DGKB: variants seen among roughly 807,000 people sequenced by gnomAD.
DGKB encodes 90 kDa diacylglycerol kinase.
A neutral mutation model predicts 114.3 loss-of-function variants in DGKB; 67 were observed. The ratio of observed to expected loss-of-function variants is 0.59; its 90% confidence interval spans 0.48 to 0.72. The LOEUF (loss-of-function observed/expected upper bound fraction) is 0.72, where lower values mean the gene tolerates loss of function less well. Ranked by LOEUF, DGKB falls within the 30% of genes least tolerant of loss-of-function variation. DGKB has a pLI of 0.00. For synonymous variants in DGKB, 398 were observed against 323.1 expected, an observed-to-expected ratio of 1.23 and a Z score of -2.49; for missense variants, 907 against 975.2, an observed-to-expected ratio of 0.93 and a Z score of 0.93.
At chr7:14,469,826 G>C (rs1421744304) in intron 21 of DGKB, among the ~76,000 whole-genome samples, 2 of 151,834 alleles carry the variant, frequency 1.3e-5, no homozygotes, top group African/African-American at 2.4e-5. Flanking sequence ...ACATATAATT[G>C]TAAGAGATTT....
At chr7:14,679,214 C>A (rs1167552081) in intron 12 of DGKB, among the ~76,000 whole-genome samples, 1 of 150,756 alleles carries the variant, frequency 6.6e-6, no homozygotes, top group Non-Finnish European at 1.5e-5. Context: ...TATGTGCACC[C>A]AAATGTATTT....
intron 14 of DGKB, among the ~76,000 whole-genome samples, chr7:14,627,938 G>A (rs1366212160): frequency 9.1e-6 from 1 of 109,360 alleles, no homozygotes; most frequent in East Asian, 2.2e-4. Context: ...GTGAGACCTT[G>A]TCTCAAAAAA....
chr7:14,619,811 T>C (rs1585148641), intron 15 of DGKB, among the ~76,000 whole-genome samples: 1 of 151,664 alleles, frequency 6.6e-6, no homozygotes, highest in African/African-American at 2.4e-5. Flanking sequence ...CATATGTTTA[T>C]TGAGAGAATT....
intron 21 of DGKB, among the ~76,000 whole-genome samples, chr7:14,458,408 A>T (rs1424967049): frequency 6.6e-6 from 1 of 152,214 alleles, no homozygotes; most frequent in Non-Finnish European, 1.5e-5. Context: ...GGTGGCTGGC[A>T]AGATGGCTGA....
chr7:14,811,276 T>C (rs190557591), intron 2 of DGKB, among the ~76,000 whole-genome samples: 5 of 152,270 alleles, frequency 3.3e-5, no homozygotes, highest in South Asian at 4.1e-4. Flanking sequence ...GGTGTGATTA[T>C]AGCTCACTGC....
chr7:14,253,985 A>T, intron 23 of DGKB, among the ~76,000 whole-genome samples: 1 of 152,180 alleles, frequency 6.6e-6, no homozygotes, highest in East Asian at 1.9e-4. Flanking sequence ...ACTAATAAAC[A>T]TTTCCCTGAC....
chr7:14,860,355 G>A (rs1352920684), intron 1 of DGKB, among the ~76,000 whole-genome samples: 1 of 151,820 alleles, frequency 6.6e-6, no homozygotes, highest in African/African-American at 2.4e-5. Context: ...GTGTTTCTTA[G>A]ATCAAATTTG....
chr7:14,964,991 T>A (rs910301237), intron 1 of DGKB, among the ~76,000 whole-genome samples: 1 of 151,966 alleles, frequency 6.6e-6, no homozygotes, highest in African/African-American at 2.4e-5. Flanking sequence ...TAGATCTGAG[T>A]AGTGAAAAAA....
In DGKB at chr7:14,939,507, G is replaced by C. The variant is rs1458187312; in HGVS notation, c.-188+35189C>G. ...TGGAAATTGAGCACTCTGACAGGTA[G>C]AATAGAGGTTCAGAGAAGTTGAAAG... On this transcript the variant is annotated intron_variant, in intron 1 of 4. Coordinates refer to the DGKB transcript ENST00000437998. 2.0e-5 allele frequency among the ~76,000 whole-genome samples: 3 copies of C among 151,112 alleles called. No homozygotes were observed. In the East Asian group the frequency reaches 5.9e-4, roughly 30 times the overall value.
At chr7:14,217,545 T>C (rs113124071) in intron 23 of DGKB, among the ~76,000 whole-genome samples, 3 of 151,840 alleles carry the variant, frequency 2.0e-5, no homozygotes, top group African/African-American at 7.3e-5. Flanking sequence ...TTGAAATGAG[T>C]AATTATACCA....
chr7:14,771,597 C>T (rs1020027626), intron 2 of DGKB, among the ~76,000 whole-genome samples: 1 of 152,058 alleles, frequency 6.6e-6, no homozygotes, highest in African/African-American at 2.4e-5. Flanking sequence ...CCTTACAAAT[C>T]ATAAATTCTC....
At chr7:14,654,195 A>G (rs1815283185) in intron 13 of DGKB, among the ~76,000 whole-genome samples, 1 of 152,112 alleles carries the variant, frequency 6.6e-6, no homozygotes, top group Non-Finnish European at 1.5e-5. Flanking sequence ...GTTGCAGGAT[A>G]TAAAAATTAA....
At chr7:14,207,539 A>T (rs189895107) in intron 23 of DGKB, among the ~76,000 whole-genome samples, 1 of 152,130 alleles carries the variant, frequency 6.6e-6, no homozygotes, top group Admixed American at 6.6e-5. Context: ...TGGGAATGCC[A>T]GGCAATGTAC....
At chr7:14,962,350 T>C (rs1271525577) in intron 1 of DGKB, among the ~76,000 whole-genome samples, 2 of 152,174 alleles carry the variant, frequency 1.3e-5, no homozygotes, top group African/African-American at 4.8e-5. Flanking sequence ...TTTCCTACTG[T>C]AGTGATTAAA....
At chr7:14,544,376 G>A (rs1276417766) in intron 20 of DGKB, among the ~76,000 whole-genome samples, 1 of 152,150 alleles carries the variant, frequency 6.6e-6, no homozygotes, top group African/African-American at 2.4e-5. Context: ...TAGCCTTGAA[G>A]ATGTTTTAAT....
chr7:14,674,295 C>A (rs920172898), intron 12 of DGKB, among the ~76,000 whole-genome samples: 2 of 152,126 alleles, frequency 1.3e-5, no homozygotes, highest in African/African-American at 4.8e-5. Flanking sequence ...TTAGGCACTA[C>A]TGGTCTTTGT....
chr7:14,547,340 A>G (rs1466757171), intron 20 of DGKB, among the ~76,000 whole-genome samples: 2 of 152,200 alleles, frequency 1.3e-5, no homozygotes, highest in African/African-American at 4.8e-5. Flanking sequence ...GGATATAGTT[A>G]CTTCTGTCTT....
intron 13 of DGKB, among the ~76,000 whole-genome samples, chr7:14,658,274 A>G (rs947425745): frequency 2.6e-5 from 4 of 151,966 alleles, no homozygotes; most frequent in Non-Finnish European, 4.4e-5. Flanking sequence ...AGCAACATAG[A>G]TGGAACTGGA....
Position 14,347,133 on chromosome 7 carries a change from TGGAG to T in DGKB, c.1836-1746_1836-1743del, listed in dbSNP as rs372013828. ...TTTGTTAAGGGAGGCAGGAAGGTAA[TGGAG>T]GGAGTATGCCTGGACATGTGAGGCC... is the stretch of plus-strand genomic sequence containing the variant. On this transcript the variant is annotated intron_variant, in intron 21 of 25. Transcript: ENST00000402815. Among the ~76,000 whole-genome samples, 7 of 152,014 alleles carry T rather than the reference TGGAG, an allele frequency of 4.6e-5. No individual in the cohort carries two copies. The South Asian group carries it at 8.3e-4, about 18-fold the overall frequency.
Sources: allele counts gnomAD v4.1 joint callset (sites outside exome capture counted in the v4.1 genomes callset), GRCh38; gene constraint gnomAD v4.1.1; transcripts MANE v1.5; gene names NCBI Gene and HGNC (gene_info 2026-07-23, HGNC 2026-07-21).